ARNT2: variants seen among roughly 807,000 people sequenced by gnomAD.
The protein encoded by ARNT2 is ARNT protein 2.
Under a neutral mutation model 91.7 loss-of-function variants are expected in ARNT2, and 36 were observed. The ratio of observed to expected loss-of-function variants is 0.39; its 90% CI spans 0.30 to 0.52. ARNT2 has a LOEUF of 0.52. Ranked by LOEUF, ARNT2 falls within the 20% of genes least tolerant of loss-of-function variation. The pLI is 0.72. For synonymous variants in ARNT2, 365 were observed against 347.1 expected, an observed-to-expected ratio of 1.05 and a Z score of -0.57; for missense variants, 775 against 939.3, an observed-to-expected ratio of 0.83 and a Z score of 2.29.
intron 1 of ARNT2, among the ~76,000 whole-genome samples, chr15:80,432,542 G>A (rs1177637039): frequency 2.0e-5 from 3 of 152,144 alleles, no homozygotes; most frequent in Admixed American, 2.0e-4. Context: ...GGTTGCTTTT[G>A]TACCATAACT....
chr15:80,519,500 A>C (rs1171989224), intron 8 of ARNT2, among the ~76,000 whole-genome samples: 1 of 152,140 alleles, frequency 6.6e-6, no homozygotes, highest in Non-Finnish European at 1.5e-5. Context: ...AGAGGAAGCA[A>C]TCAGATATGC....
At chr15:80,562,344 T>C (rs540598743) in intron 11 of ARNT2, among the ~76,000 whole-genome samples, 3 of 152,340 alleles carry the variant, frequency 2.0e-5, no homozygotes, top group Admixed American at 2.0e-4. Flanking sequence ...TCTTGTGATT[T>C]GGAAATGAGA....
At chr15:80,590,957 C>A (rs1893267798) in intron 17 of ARNT2, among the ~76,000 whole-genome samples, 1 of 152,218 alleles carries the variant, frequency 6.6e-6, no homozygotes, top group South Asian at 2.1e-4. Flanking sequence ...AAGAGCCAGG[C>A]AGGAAAAGAC....
At chr15:80,590,175 G>A (rs1367854471) in intron 17 of ARNT2, among the ~76,000 whole-genome samples, 1 of 152,116 alleles carries the variant, frequency 6.6e-6, no homozygotes, top group East Asian at 1.9e-4. Flanking sequence ...AGGCTTCCCC[G>A]TGGCCAGCAT....
At chr15:80,561,247 ATGGTCACAT>A (rs1272412504) in intron 11 of ARNT2, among the ~76,000 whole-genome samples, 1 of 152,004 alleles carries the variant, frequency 6.6e-6, no homozygotes, top group Non-Finnish European at 1.5e-5. Context: ...ATTCTAATCT[ATGGTCACAT>A]TGTGATCTCT....
intron 16 of ARNT2, 79 bp downstream of exon 16, chr15:80,580,628 G>A (rs774557940): frequency 1.5e-4 from 244 of 1,581,946 alleles, no homozygotes; most frequent in Non-Finnish European, 1.9e-4. Context: ...TTTGGATTGC[G>A]GTTCTGAGGA....
In ARNT2 at chr15:80,518,276, T is replaced by G. The variant is rs1447277035; in HGVS notation, c.877+3871T>G. Among the ~76,000 whole-genome samples, 5 of 114,208 alleles carry G rather than the reference T, an allele frequency of 4.4e-5. No homozygotes were observed. In the East Asian group the frequency reaches 1.0e-3, roughly 23 times the overall value. 74.9% of individuals were successfully genotyped at this position (114,208 alleles called of 152,430 possible). A position where few individuals can be genotyped will look rare whatever the true frequency, so the allele number is the denominator to read the frequency against. The stretch of plus-strand genomic sequence containing the variant: ...TCCGAAGAACTTTTTCTTTTTCTAT[T>G]CTTTTTTTTTTTTTTTTTTTTTTGA... On this transcript the variant is annotated intron_variant, in intron 8 of 18. Coordinates refer to ENST00000303329, the MANE Select transcript of ARNT2 (RefSeq NM_014862.4).
At chr15:80,453,274 C>T (rs138893761) in intron 2 of ARNT2, among the ~76,000 whole-genome samples, 2,107 of 152,256 alleles carry the variant, frequency 0.014, 21 homozygotes, top group Non-Finnish European at 0.021. Flanking sequence ...TGACAAATCA[C>T]CCAGGGGCAA....
Position 80,597,274 on chromosome 15 carries a change from G to A in ARNT2, c.*3576G>A, listed in dbSNP as rs745846916. 9.6e-6 allele frequency: 5 copies of A among 518,490 alleles called. No individual in the cohort carries two copies. Among genetic ancestry groups the A allele is most frequent in the South Asian group, 7.0e-5 (5 of 71,464 alleles). The allele number at this position is 518,490 out of a possible 1,614,324, so 32.1% of individuals were successfully genotyped here. A position where few individuals can be genotyped will look rare whatever the true frequency, so the allele number is the denominator to read the frequency against. On this transcript the variant is annotated 3_prime_UTR_variant, in exon 19 of 19. Coordinates refer to ENST00000303329, the MANE Select transcript of ARNT2 (RefSeq NM_014862.4). ...ATGCGAGAATGTGAACGCTCACCTT[G>A]CTCCGTCACGGTTCTGACCTACCAC...
intron 6 of ARNT2, among the ~76,000 whole-genome samples, chr15:80,512,350 C>T (rs1326440164): frequency 1.3e-5 from 2 of 152,196 alleles, no homozygotes; most frequent in African/African-American, 2.4e-5. Flanking sequence ...GTCTCCTCCT[C>T]TCGAGGCTGA....
intron 5 of ARNT2, among the ~76,000 whole-genome samples, chr15:80,481,971 A>G (rs958857925): frequency 2.0e-4 from 31 of 152,186 alleles, no homozygotes; most frequent in African/African-American, 7.5e-4. Context: ...GCACAGTCAT[A>G]GCTTGCTGCA....
At chr15:80,433,937 T>A (rs988165232) in intron 1 of ARNT2, 3 of 152,296 alleles carry the variant, frequency 2.0e-5, no homozygotes, top group African/African-American at 7.2e-5. Context: ...TAGATTCTTC[T>A]TGGCCTTGCT....
intron 5 of ARNT2, among the ~76,000 whole-genome samples, chr15:80,494,896 T>C (rs1251581474): frequency 6.6e-6 from 1 of 152,160 alleles, no homozygotes; most frequent in Admixed American, 6.5e-5. Flanking sequence ...GCTGCCCTCC[T>C]TGTGCCATCC....
chr15:80,493,379 G>T (rs1314959703), intron 5 of ARNT2, among the ~76,000 whole-genome samples: 1 of 152,126 alleles, frequency 6.6e-6, no homozygotes, highest in Non-Finnish European at 1.5e-5. Flanking sequence ...GATTTGTTCT[G>T]ATTTTTCCTG....
At chr15:80,584,323 G>A (rs753331017) in intron 17 of ARNT2, among the ~76,000 whole-genome samples, 16 of 152,162 alleles carry the variant, frequency 1.1e-4, no homozygotes, top group Admixed American at 3.3e-4. Flanking sequence ...TGACCACAGG[G>A]TCAGCTTTTA....
In ARNT2 at chr15:80,555,463, G is replaced by C. The variant is rs1189150551; in HGVS notation, c.1164+324G>C. Reference sequence around the variant, plus strand: ...AGAATAACTGGGATGGGTCTTAAAGGATGAGCATAGAATAAATGAGTGAAC... The same window carrying C: ...AGAATAACTGGGATGGGTCTTAAAGCATGAGCATAGAATAAATGAGTGAAC... On this transcript the variant is annotated intron_variant, in intron 11 of 18. Transcript: ENST00000303329. 9.2e-5 allele frequency: 27 copies of C among 293,024 alleles called. No individual in the cohort carries two copies. In the East Asian group the frequency reaches 1.3e-3, roughly 14 times the overall value. 18.2% of individuals were successfully genotyped at this position (293,024 alleles called of 1,614,324 possible).
Position 80,571,492 on chromosome 15 carries a change from G to T in ARNT2, c.1317-2656G>T, listed in dbSNP as rs534284321. On this transcript the variant is annotated intron_variant, in intron 12 of 18. Coordinates refer to ENST00000303329, the MANE Select transcript of ARNT2 (RefSeq NM_014862.4). ...ACACAGTTGGTGCACCCTCTGCCTT[G>T]CCTGTTTGCCTGGGAGGAAGATTGA... is the stretch of plus-strand genomic sequence containing the variant. Among the ~76,000 whole-genome samples the T allele has an allele frequency of 4.6e-5, 7 of 152,296 alleles. No individual in the cohort carries two copies. In the South Asian group the frequency reaches 1.5e-3, roughly 32 times the overall value.
chr15:80,533,579 T>C (rs1010886009), intron 8 of ARNT2, among the ~76,000 whole-genome samples: 4 of 152,200 alleles, frequency 2.6e-5, no homozygotes, highest in African/African-American at 9.7e-5. Context: ...TTTCAGCTTC[T>C]AGAAGTGAGA....
At chr15:80,421,956 A>G (rs1895866709) in intron 1 of ARNT2, among the ~76,000 whole-genome samples, 1 of 152,252 alleles carries the variant, frequency 6.6e-6, no homozygotes, top group Non-Finnish European at 1.5e-5. Context: ...GACGAATTAA[A>G]TAGCTACTCA....
Sources: gnomAD v4.1 joint callset for allele counts (sites outside exome capture counted in the v4.1 genomes callset) on GRCh38, gnomAD v4.1.1 for gene constraint, MANE v1.5 for transcripts, NCBI Gene and HGNC (gene_info 2026-07-23, HGNC 2026-07-21) for gene names.